The following FAM81B variants were observed in gnomAD, a reference collection of about 807,000 sequenced individuals.
FAM81B encodes the protein family with sequence similarity 81 member B.
In FAM81B, 60 loss-of-function variants were observed where a neutral mutation model predicts 58.7. The ratio of observed to expected loss-of-function variants is 1.02; its 90% CI spans 0.83 to 1.27. The LOEUF (loss-of-function observed/expected upper bound fraction) is 1.27, where lower values mean the gene tolerates loss of function less well. Ranked by LOEUF, FAM81B falls within the 50% of genes most tolerant of loss-of-function variation. The pLI is 0.00. For synonymous variants in FAM81B, 189 were observed against 179.6 expected (o/e 1.05, Z -0.42); for missense variants, 491 against 522.0 (o/e 0.94, Z 0.58).
intron 8 of FAM81B, among the ~76,000 whole-genome samples, chr5:95,447,503 T>C (rs1037039863): frequency 6.6e-6 from 1 of 152,222 alleles, no homozygotes; most frequent in Non-Finnish European, 1.5e-5. Context: ...CTGCTAGCTC[T>C]TCACTCCTGA....
chr5:95,414,197 C>A lies in FAM81B; in HGVS notation c.537+7C>A. 3.1e-6 allele frequency: 5 copies of A among 1,587,366 alleles called. No individual in the cohort carries two copies. The South Asian group carries it at 5.6e-5, about 18-fold the overall frequency. On this transcript the variant is annotated splice_region_variant and intron_variant, in intron 4 of 9. Coordinates refer to ENST00000283357, the MANE Select transcript of FAM81B (RefSeq NM_152548.3). ...ACTCAGCCAAAATATTGAGGTAGTT[C>A]TCTTTTTGTTTTATTTTGTTTTTGT...
At chr5:95,441,761 A>G (rs1197891933) in intron 7 of FAM81B, among the ~76,000 whole-genome samples, 1 of 152,178 alleles carries the variant, frequency 6.6e-6, no homozygotes, top group African/African-American at 2.4e-5. Flanking sequence ...TGATCTCTAG[A>G]TCCGACAAAG....
intron 4 of FAM81B, among the ~76,000 whole-genome samples, chr5:95,414,447 T>C (rs1263385002): frequency 1.3e-5 from 2 of 152,234 alleles, no homozygotes; most frequent in Non-Finnish European, 2.9e-5. Flanking sequence ...AGACATTATG[T>C]CAGACATTGT....
chr5:95,395,442 CA>C (rs70978184), intron 2 of FAM81B, among the ~76,000 whole-genome samples: 95 of 103,092 alleles, frequency 9.2e-4, no homozygotes, highest in African/African-American at 8.5e-4. Context: ...GACCCCGTCT[CA>C]AAAAAAAAAA....
intron 3 of FAM81B, among the ~76,000 whole-genome samples, chr5:95,398,255 C>G (rs1762013229): frequency 6.6e-6 from 1 of 152,140 alleles, no homozygotes; most frequent in South Asian, 2.1e-4. Flanking sequence ...CCCATCTCTA[C>G]TAAATATACA....
chr5:95,421,823 C>T (rs1464920565), intron 5 of FAM81B, among the ~76,000 whole-genome samples: 1 of 152,132 alleles, frequency 6.6e-6, no homozygotes, highest in African/African-American at 2.4e-5. Flanking sequence ...TACAGGATTA[C>T]TGCATGAATA....
chr5:95,441,031 A>G (rs189344702), intron 7 of FAM81B, among the ~76,000 whole-genome samples: 1 of 152,282 alleles, frequency 6.6e-6, no homozygotes, highest in Non-Finnish European at 1.5e-5. Flanking sequence ...AATGCCTTCA[A>G]AACGCCAAGG....
chr5:95,408,299 C>G (rs761676448), intron 3 of FAM81B, among the ~76,000 whole-genome samples: 1 of 152,140 alleles, frequency 6.6e-6, no homozygotes, highest in Non-Finnish European at 1.5e-5. Flanking sequence ...TTTGCCTGTA[C>G]ATGAAATAGC....
At chr5:95,400,921 C>A (rs1762095235) in intron 3 of FAM81B, among the ~76,000 whole-genome samples, 1 of 149,104 alleles carries the variant, frequency 6.7e-6, no homozygotes, top group Non-Finnish European at 1.5e-5. Context: ...ATTAAACACT[C>A]CCCACCCCCA....
intron 3 of FAM81B, among the ~76,000 whole-genome samples, chr5:95,407,558 G>A (rs866040753): frequency 9.2e-5 from 14 of 152,272 alleles, no homozygotes; most frequent in Non-Finnish European, 1.8e-4. Flanking sequence ...GACTGTTCAA[G>A]GGGCATCTCT....
intron 7 of FAM81B, among the ~76,000 whole-genome samples, chr5:95,443,131 T>G (rs1363940570): frequency 6.6e-6 from 1 of 152,188 alleles, no homozygotes; most frequent in East Asian, 1.9e-4. Flanking sequence ...AAAACTGGCC[T>G]AGGATAGAGC....
intron 2 of FAM81B, among the ~76,000 whole-genome samples, chr5:95,394,905 A>C (rs1761923348): frequency 6.6e-6 from 1 of 152,134 alleles, no homozygotes. Flanking sequence ...AGAAGTAGTA[A>C]TTCCTTGGGC....
intron 6 of FAM81B, among the ~76,000 whole-genome samples, chr5:95,435,970 T>G (rs1268246386): frequency 2.0e-5 from 3 of 152,208 alleles, no homozygotes; most frequent in African/African-American, 7.2e-5. Context: ...CTCCCCTCTT[T>G]CTTTCATAAG....
At chr5:95,443,001 T>C (rs569231808) in intron 7 of FAM81B, among the ~76,000 whole-genome samples, 312 of 152,290 alleles carry the variant, frequency 2.0e-3, no homozygotes, top group South Asian at 5.0e-3. Context: ...CAAAGCCCTA[T>C]CTAAGTTCTT....
intron 3 of FAM81B, 77 bp from the exon 4 acceptor site, chr5:95,413,870 G>A: frequency 1.3e-6 from 2 of 1,520,586 alleles, no homozygotes; most frequent in Non-Finnish European, 1.8e-6. Context: ...CAGAAGTGAG[G>A]ATTCTAGTTC....
At chr5:95,429,208 G>A (rs1486576193) in intron 6 of FAM81B, among the ~76,000 whole-genome samples, 1 of 152,128 alleles carries the variant, frequency 6.6e-6, no homozygotes, top group African/African-American at 2.4e-5. Context: ...GGCCATCTGT[G>A]CTTCTTGACT....
At chr5:95,440,522 T>C (rs775105964) in intron 7 of FAM81B, 6 of 576,332 alleles carry the variant, frequency 1.0e-5, no homozygotes, top group Non-Finnish European at 2.0e-5. Context: ...ATATTATTGG[T>C]TTTGATGCAG....
intron 1 of FAM81B, among the ~76,000 whole-genome samples, chr5:95,392,327 G>C (rs1468406765): frequency 6.6e-6 from 1 of 152,074 alleles, no homozygotes; most frequent in Non-Finnish European, 1.5e-5. Context: ...CACAGGGAGG[G>C]GAACATCACA....
intron 3 of FAM81B, 80 bp downstream of exon 3, chr5:95,396,255 C>G: frequency 8.9e-7 from 1 of 1,129,132 alleles, no homozygotes; most frequent in Non-Finnish European, 1.3e-6. Context: ...AAGAAAAAAT[C>G]CTGTGTTTAA....
Sources: gnomAD v4.1 joint callset for allele counts (sites outside exome capture counted in the v4.1 genomes callset) on GRCh38, gnomAD v4.1.1 for gene constraint, MANE v1.5 for transcripts, NCBI Gene and HGNC (gene_info 2026-07-23, HGNC 2026-07-21) for gene names.